Variants in NMU observed in about 807,000 individuals in gnomAD.
NMU encodes neuromedin U, also known as neuromedin-U.
NMU carries 29 observed loss-of-function variants against 35.4 expected under a neutral mutation model. The ratio of observed to expected loss-of-function variants is 0.82; its 90% CI spans 0.61 to 1.12. The LOEUF (loss-of-function observed/expected upper bound fraction) is 1.12. NMU is among the 50% of genes most tolerant of loss of function. The pLI is 0.00. For synonymous variants in NMU, 78 were observed against 81.3 expected, an observed-to-expected ratio of 0.96 and a Z score of 0.22; for missense variants, 199 against 206.2, an observed-to-expected ratio of 0.97 and a Z score of 0.21.
At chr4:55,599,346 A>C (rs1262780095) in intron 8 of NMU, among the ~76,000 whole-genome samples, 165 bp from the exon 9 acceptor site, 2 of 152,200 alleles carry the variant, frequency 1.3e-5, no homozygotes, top group Non-Finnish European at 2.9e-5. Context: ...TTTCTGATTT[A>C]GTAAGTCTGA....
At chr4:55,610,519 C>G (rs138319589) in intron 3 of NMU, among the ~76,000 whole-genome samples, 2 of 151,808 alleles carry the variant, frequency 1.3e-5, no homozygotes, top group Non-Finnish European at 2.9e-5. Flanking sequence ...CTCCAGTAGT[C>G]TCACCTCCTC....
At chr4:55,612,411 A>C (rs1412916110) in intron 3 of NMU, among the ~76,000 whole-genome samples, 1 of 152,196 alleles carries the variant, frequency 6.6e-6, no homozygotes, top group Non-Finnish European at 1.5e-5. Context: ...AAAAACAAAA[A>C]CAAAATGCTC....
chr4:55,628,915 A>G (rs1471492657), intron 2 of NMU, among the ~76,000 whole-genome samples: 2 of 152,092 alleles, frequency 1.3e-5, no homozygotes, highest in African/African-American at 4.8e-5. Context: ...ATATATATGA[A>G]GCTAAAATTT....
chr4:55,607,145 T>C (rs2110190850), intron 6 of NMU, among the ~76,000 whole-genome samples, 153 bp downstream of exon 6: 1 of 152,340 alleles, frequency 6.6e-6, no homozygotes, highest in South Asian at 2.1e-4. Flanking sequence ...ATAAATCAAA[T>C]GTATAATAAA....
chr4:55,605,196 A>T, intron 7 of NMU, 79 bp downstream of exon 7: 1 of 940,718 alleles, frequency 1.1e-6, no homozygotes, highest in South Asian at 1.3e-5. Context: ...GCATTTGATG[A>T]ACTACCACAG....
chr4:55,597,169 T>A (rs927748359), intron 9 of NMU, among the ~76,000 whole-genome samples: 1 of 151,986 alleles, frequency 6.6e-6, no homozygotes, highest in Non-Finnish European at 1.5e-5. Flanking sequence ...TAAATACAAT[T>A]TACTTACAGT....
intron 2 of NMU, among the ~76,000 whole-genome samples, chr4:55,626,826 CCTTACGATTTATATTTGAAGTTT>C (rs1284365708): frequency 2.0e-5 from 3 of 152,142 alleles, no homozygotes; most frequent in Admixed American, 6.5e-5. Flanking sequence ...ATGTTTTTGG[CCTTACGATTTATATTTGAAGTTT>C]CTTACGATTT....
At chr4:55,610,675 T>C (rs1376363762) in intron 3 of NMU, among the ~76,000 whole-genome samples, 2 of 152,182 alleles carry the variant, frequency 1.3e-5, no homozygotes, top group African/African-American at 4.8e-5. Flanking sequence ...ATGCAAATTC[T>C]TGGGATATTT....
intron 2 of NMU, among the ~76,000 whole-genome samples, chr4:55,617,810 A>G (rs530576934): frequency 3.2e-4 from 48 of 152,316 alleles, no homozygotes; most frequent in African/African-American, 1.0e-3. Flanking sequence ...CCAGGGGAAC[A>G]CTGTCCACCC....
chr4:55,604,027 A>ACGTATATATGTATATATGTGTATATATAT (rs1733567304), intron 7 of NMU, among the ~76,000 whole-genome samples: 7 of 28,998 alleles, frequency 2.4e-4, no homozygotes, highest in African/African-American at 7.2e-4. Context: ...GTATATATAT[A>ACGTATATATGTATATATGTGTATATATAT]ATCCTAGAAA....
chr4:55,611,982 G>A (rs1236358203), intron 3 of NMU, among the ~76,000 whole-genome samples: 1 of 152,224 alleles, frequency 6.6e-6, no homozygotes. Context: ...ATGGCTAGGA[G>A]TTGGAGGAGT....
rs893084385 is a variant in NMU at position 55,636,286 on chromosome 4, C to G, written c.-94G>C. 8 of 1,394,430 alleles carry G rather than the reference C, an allele frequency of 5.7e-6. No individual in the cohort carries two copies. Among genetic ancestry groups the G allele is most frequent in the Non-Finnish European group, 6.5e-6 (7 of 1,082,518 alleles). The allele number at this position is 1,394,430 out of a possible 1,614,324, so 86.4% of individuals were successfully genotyped here. On this transcript the variant is annotated 5_prime_UTR_variant, in exon 1 of 10. Coordinates refer to ENST00000264218, the MANE Select transcript of NMU (RefSeq NM_006681.4). This position sits in a 1 kb window ranked among gnomAD's most constrained non-coding sequence, Gnocchi z 4.0. Reference sequence around the variant, plus strand: ...GGTGCCCTGGCTGTGCCTCGGGGCCCGGACACAGGACTGAGCGCCCGGCGA... The same window carrying G: ...GGTGCCCTGGCTGTGCCTCGGGGCCGGGACACAGGACTGAGCGCCCGGCGA...
chr4:55,604,679 A>ATTTTTTTTTTTTTTTTTT (rs767568542), intron 7 of NMU, among the ~76,000 whole-genome samples: 889 of 47,600 alleles, frequency 0.019, 14 homozygotes, highest in Middle Eastern at 0.079. Flanking sequence ...TGCCTGGCTA[A>ATTTTTTTTTTTTTTTTTT]TTTTTTTTTT....
chr4:55,595,643 A>ATT (rs1211166376), intron 9 of NMU, among the ~76,000 whole-genome samples: 57 of 66,380 alleles, frequency 8.6e-4, no homozygotes, highest in South Asian at 3.9e-3. Context: ...ATATATATAT[A>ATT]TTTTTTTTTT....
chr4:55,604,443 A>G (rs367659197), intron 7 of NMU, among the ~76,000 whole-genome samples: 1 of 151,998 alleles, frequency 6.6e-6, no homozygotes, highest in East Asian at 1.9e-4. Context: ...CATCTTACAC[A>G]TAGATGCTGG....
At chr4:55,603,939 A>ATATGTGTATATATATACG (rs1560513422) in intron 7 of NMU, among the ~76,000 whole-genome samples, 5 of 63,848 alleles carry the variant, frequency 7.8e-5, no homozygotes, top group East Asian at 5.8e-4. Flanking sequence ...ATATATATAT[A>ATATGTGTATATATATACG]TATATATGTA....
upstream of NMU, chr4:55,636,791 T>C (rs1365762004): frequency 6.6e-6 from 1 of 152,364 alleles, no homozygotes; most frequent in Non-Finnish European, 1.5e-5. This position sits in a 1 kb window ranked among gnomAD's most constrained non-coding sequence, Gnocchi z 4.0. Flanking sequence ...TTGGTTCAAC[T>C]GTGATGTTGA....
intron 7 of NMU, among the ~76,000 whole-genome samples, chr4:55,601,628 AAGTT>A (rs1733429341): frequency 6.6e-6 from 1 of 152,150 alleles, no homozygotes; most frequent in South Asian, 2.1e-4. Context: ...TAAAAAATAA[AAGTT>A]TAAGTTTTCA....
At position 55,604,014 on chromosome 4, in the gene NMU, T is replaced by TACAC. The variant is rs752347021; in HGVS notation, c.435+1260_435+1261insGTGT. Reference sequence around the variant, plus strand: ...ATATATATACGTATATATGTATATATGTGTATATATATAATCCTAGAAATT... The same window carrying TACAC: ...ATATATATACGTATATATGTATATATACACGTGTATATATATAATCCTAGAAATT... On this transcript the variant is annotated intron_variant, in intron 7 of 9. Transcript: ENST00000264218. Among the ~76,000 whole-genome samples, 56 of 88,000 alleles carry TACAC rather than the reference T, an allele frequency of 6.4e-4. 11 individuals carry two copies. Among genetic ancestry groups the TACAC allele is most frequent in the African/African-American group, 8.1e-4 (23 of 28,282 alleles). 57.7% of individuals were successfully genotyped at this position (88,000 alleles called of 152,430 possible).
Sources: gnomAD v4.1 joint callset for allele counts (sites outside exome capture counted in the v4.1 genomes callset) on GRCh38, gnomAD v4.1.1 for gene constraint, Gnocchi (gnomAD v3.1) non-coding constraint, MANE v1.5 for transcripts, NCBI Gene and HGNC (gene_info 2026-07-23, HGNC 2026-07-21) for gene names.